Variants in ABCA1 observed in about 807,000 individuals in gnomAD.
ABCA1 encodes ATP binding cassette subfamily A member 1, also known as phospholipid-transporting ATPase ABCA1.
ABCA1 carries 133 observed loss-of-function variants against 262.5 expected under a neutral mutation model. The ratio of observed to expected loss-of-function variants is 0.51; its 90% CI spans 0.44 to 0.59. ABCA1 has a LOEUF of 0.59. Among genes scored for constraint, ABCA1 ranks in the 20% least tolerant of loss-of-function variants. ABCA1 has a pLI of 0.00. For synonymous variants in ABCA1, 1,022 were observed against 1,043.5 expected (o/e 0.98, Z 0.40); for missense variants, 2,452 against 2,777.5 (o/e 0.88, Z 2.63).
chr9:104,858,281 C>T (rs184006872), intron 7 of ABCA1, among the ~76,000 whole-genome samples: 1 of 152,024 alleles, frequency 6.6e-6, no homozygotes, highest in East Asian at 1.9e-4. Context: ...GAAACAAGCA[C>T]AAAAAACTTT....
At chr9:104,882,515 C>T (rs895934924) in intron 5 of ABCA1, among the ~76,000 whole-genome samples, 5 of 152,194 alleles carry the variant, frequency 3.3e-5, no homozygotes, top group African/African-American at 1.2e-4. Context: ...TGGATACTTA[C>T]CAGATCAGAG....
At chr9:104,913,858 C>T (rs796854542) in intron 1 of ABCA1, among the ~76,000 whole-genome samples, 2 of 152,138 alleles carry the variant, frequency 1.3e-5, no homozygotes, top group African/African-American at 2.4e-5. Flanking sequence ...TGCAGTGGCG[C>T]GATCTCGGCT....
chr9:104,827,535 G>A (rs762719366), intron 15 of ABCA1, among the ~76,000 whole-genome samples: 2 of 152,136 alleles, frequency 1.3e-5, no homozygotes, highest in South Asian at 2.1e-4. Flanking sequence ...AATATCCCAC[G>A]TAACTTTTCT....
chr9:104,847,881 A>C (rs1407127137), intron 7 of ABCA1, among the ~76,000 whole-genome samples: 1 of 152,246 alleles, frequency 6.6e-6, no homozygotes, highest in Non-Finnish European at 1.5e-5. Context: ...TAGATATACT[A>C]TATGCATCCA....
chr9:104,875,897 A>G (rs907537019), intron 5 of ABCA1, among the ~76,000 whole-genome samples: 5 of 152,232 alleles, frequency 3.3e-5, no homozygotes, highest in African/African-American at 1.2e-4. Context: ...GAACAGCGTG[A>G]AAGCCATCCC....
chr9:104,798,155 A>T (rs1360831979), intron 37 of ABCA1, among the ~76,000 whole-genome samples: 1 of 152,188 alleles, frequency 6.6e-6, no homozygotes, highest in Non-Finnish European at 1.5e-5. Context: ...TTCTTGGGAA[A>T]GTTGTCACAT....
At chr9:104,805,262 A>T (rs1830665276) in intron 31 of ABCA1, among the ~76,000 whole-genome samples, 1 of 152,028 alleles carries the variant, frequency 6.6e-6, no homozygotes, top group Admixed American at 6.6e-5. Flanking sequence ...TTTAGTAGAG[A>T]CAGGGTTTCG....
At position 104,793,281 on chromosome 9, in the gene ABCA1, T is replaced by C. The variant is rs1564084724; in HGVS notation, c.5526A>G (p.Ser1842=). The change falls in exon 41 of 50, where the codon TCA becomes TCG. Residue 1842 remains serine, a synonymous_variant. Coordinates refer to ENST00000374736, the MANE Select transcript of ABCA1 (RefSeq NM_005502.4). ...LERFGENRFV[S]PLSWDLVGRN... is the part of the protein sequence containing the mutation. ...GTCCCACCAAGTCCCAAGATAATGGTGACACAAAGCGATTCTCCCCTAGTA... is the reference window on the plus strand; with the variant it reads ...GTCCCACCAAGTCCCAAGATAATGGCGACACAAAGCGATTCTCCCCTAGTA... The C allele has an allele frequency of 1.2e-6, 2 of 1,614,042 alleles. No homozygotes were observed. Among genetic ancestry groups the C allele is most frequent in the Non-Finnish European group, 1.7e-6 (2 of 1,179,998 alleles).
intron 1 of ABCA1, among the ~76,000 whole-genome samples, chr9:104,917,485 C>T (rs185478940): frequency 3.9e-5 from 6 of 152,204 alleles, no homozygotes; most frequent in East Asian, 1.9e-4. Context: ...CCGGGTGCGG[C>T]GGCTCACACC....
At chr9:104,824,325 A>G in intron 18 of ABCA1, 140 bp downstream of exon 18, 1 of 1,509,812 alleles carries the variant, frequency 6.6e-7, no homozygotes, top group South Asian at 1.2e-5. Flanking sequence ...GGATTTGGAA[A>G]GGGACACTGC....
chr9:104,914,193 C>T (rs1047091128), intron 1 of ABCA1, among the ~76,000 whole-genome samples: 4 of 151,830 alleles, frequency 2.6e-5, no homozygotes, highest in African/African-American at 7.3e-5. Context: ...AAATCTGAGC[C>T]TTGGCCAGAC....
Position 104,858,540 on chromosome 9 carries a change from G to A in ABCA1, c.702C>T (p.Asp234=). ...TACTCACCAGGATTGGCTTCAGGAT[G>A]TCCATGTTGGAACGAAGTACTCGCT... The part of the protein sequence containing the change: ...AAERVLRSNM[D]ILKPILRTLN... The change falls in exon 7 of 50, where the codon GAC becomes GAT. Residue 234 remains aspartate, a synonymous_variant. Transcript: ENST00000374736. 1 of 1,613,960 alleles carries A rather than the reference G, an allele frequency of 6.2e-7. No homozygotes were observed. The highest frequency in any genetic ancestry group is 2.2e-5 in the East Asian group (1 of 44,888).
In ABCA1 at chr9:104,894,932, AG is replaced by A; in HGVS notation, c.67-5738del. On this transcript the variant is annotated intron_variant, in intron 2 of 49. Transcript: ENST00000374736. Reference sequence around the variant, plus strand: ...CCTTCCAAACCCAGGGGAATGTTCCAGGTATTTCTTTTCATAATAGCCTCCC... The same window carrying A: ...CCTTCCAAACCCAGGGGAATGTTCCAGTATTTCTTTTCATAATAGCCTCCC... Among the ~76,000 whole-genome samples, 2 of 152,354 alleles carry A rather than the reference AG, an allele frequency of 1.3e-5. 1 individual carries two copies. The highest frequency in any genetic ancestry group is 2.9e-5 in the Non-Finnish European group (2 of 68,040).
chr9:104,888,036 T>C (rs34171271), intron 3 of ABCA1, among the ~76,000 whole-genome samples: 23,781 of 151,194 alleles, frequency 0.16, 2,289 homozygotes, highest in African/African-American at 0.27. Context: ...GGAAATCACG[T>C]CTCAGAAAAT....
intron 5 of ABCA1, among the ~76,000 whole-genome samples, chr9:104,862,646 GGCCGGGCC>G (rs1236936084): frequency 3.4e-4 from 1 of 2,902 alleles, no homozygotes; most frequent in African/African-American, 1.6e-3. Flanking sequence ...GGCCGGGCCG[GGCCGGGCC>G]GGGCCGGGCC....
chr9:104,796,686 C>T (rs999117225), intron 37 of ABCA1, among the ~76,000 whole-genome samples: 1 of 152,202 alleles, frequency 6.6e-6, no homozygotes, highest in Non-Finnish European at 1.5e-5. Context: ...AGTAAACTTA[C>T]TGAACGATGG....
Position 104,822,414 on chromosome 9 carries a change from T to A in ABCA1, c.2828+82A>T, listed in dbSNP as rs927044663. Reference sequence around the variant, plus strand: ...CCTTCCCTTGGCCCAGGGATCAGCATGGTTTCCTAAGGTATAAATTTCTAA... The same window carrying A: ...CCTTCCCTTGGCCCAGGGATCAGCAAGGTTTCCTAAGGTATAAATTTCTAA... On this transcript the variant is annotated intron_variant, in intron 19 of 49. Coordinates refer to ENST00000374736, the MANE Select transcript of ABCA1 (RefSeq NM_005502.4). 41 of 1,568,342 alleles carry A rather than the reference T, an allele frequency of 2.6e-5. No homozygotes were observed. In the Admixed American group the frequency reaches 6.8e-4, roughly 26 times the overall value.
In ABCA1 at chr9:104,826,948, A is replaced by G; in HGVS notation, c.2337T>C (p.Ala779=). Residue 779 remains alanine, a splice_region_variant and synonymous_variant, in exon 16 of 50, where the codon GCT becomes GCC. Coordinates refer to ENST00000374736, the MANE Select transcript of ABCA1 (RefSeq NM_005502.4). The part of the protein sequence containing the change: ...DYVGFTLKIF[A]SLLSPVAFGF... ...CTGAAGAAAGGCCAGAGGTACTCAC[A>G]GCGAAGATCTTGAGTGTGAAGCCCA... The G allele has an allele frequency of 6.2e-7, 1 of 1,613,440 alleles. No individual in the cohort carries two copies. Among genetic ancestry groups the G allele is most frequent in the South Asian group, 1.1e-5 (1 of 91,058 alleles).
intron 11 of ABCA1, among the ~76,000 whole-genome samples, chr9:104,836,102 T>C (rs1442102966): frequency 1.3e-5 from 2 of 152,256 alleles, no homozygotes; most frequent in Admixed American, 6.5e-5. Context: ...TACAAATCAC[T>C]GTTTATGCTT....
Sources: allele counts gnomAD v4.1 joint callset (sites outside exome capture counted in the v4.1 genomes callset), GRCh38; gene constraint gnomAD v4.1.1; transcripts MANE v1.5; gene names NCBI Gene and HGNC (gene_info 2026-07-23, HGNC 2026-07-21).